Variants in FRMD4B observed in about 807,000 individuals in gnomAD.
The protein encoded by FRMD4B is FERM domain-containing protein 4B.
Under a neutral mutation model 141.5 loss-of-function variants are expected in FRMD4B, and 74 were observed. The observed-to-expected ratio is 0.52, with a 90% CI of 0.43 to 0.63. The LOEUF (loss-of-function observed/expected upper bound fraction) is 0.63, where lower values mean the gene tolerates loss of function less well. Ranked by LOEUF, FRMD4B falls within the 30% of genes least tolerant of loss-of-function variation. The pLI is 0.00. For synonymous variants in FRMD4B, 506 were observed against 467.9 expected (o/e 1.08, Z -1.05); for missense variants, 1,366 against 1,253.4 (o/e 1.09, Z -1.36).
Position 69,195,007 on chromosome 3 carries a change from A to G in FRMD4B, c.1488+15T>C. On this transcript the variant is annotated intron_variant, in intron 16 of 22. Transcript: ENST00000398540. Reference sequence around the variant, plus strand: ...TCTTATGATTAATTGAAAGGCTCAGAGGCGTTGTTCATACTTCTTCACTCG... The same window carrying G: ...TCTTATGATTAATTGAAAGGCTCAGGGGCGTTGTTCATACTTCTTCACTCG... 6.2e-7 allele frequency: 1 copy of G among 1,610,480 alleles called. No individual in the cohort carries two copies. The highest frequency in any genetic ancestry group is 1.1e-5 in the South Asian group (1 of 90,636).
intron 5 of FRMD4B, among the ~76,000 whole-genome samples, chr3:69,265,270 ATATATATATATATATATATATATAT>A (rs1292963431): frequency 0.011 from 231 of 20,236 alleles, 34 homozygotes; most frequent in African/African-American, 0.042. Context: ...AAAAAAAAAA[ATATATATATATATATATATATATAT>A]ATATATATAT....
chr3:69,495,663 C>T lies in FRMD4B; in HGVS notation c.-129+46543G>A, dbSNP rs530426230. 9.4e-4 allele frequency among the ~76,000 whole-genome samples: 143 copies of T among 152,204 alleles called. 1 individual carries two copies. Among genetic ancestry groups the T allele is most frequent in the Non-Finnish European group, 1.7e-3 (117 of 68,012 alleles). On this transcript the variant is annotated intron_variant, in intron 1 of 5. Transcript: ENST00000459638. ...TGTAAAATGGGCATAATTAATGGCA[C>T]CTCACTCTTAGGTTGAGTGAGTAAG...
intron 1 of FRMD4B, among the ~76,000 whole-genome samples, chr3:69,498,572 C>T (rs953290964): frequency 2.0e-5 from 3 of 152,166 alleles, no homozygotes; most frequent in Admixed American, 6.5e-5. Context: ...TTCAGTCTTC[C>T]TCTTTTCAAC....
At chr3:69,502,314 A>G (rs1423622772) in intron 1 of FRMD4B, among the ~76,000 whole-genome samples, 3 of 152,296 alleles carry the variant, frequency 2.0e-5, no homozygotes, top group East Asian at 3.9e-4. Flanking sequence ...AAACAGCATA[A>G]TAGTGGTACC....
intron 1 of FRMD4B, among the ~76,000 whole-genome samples, chr3:69,382,893 C>T (rs6792404): frequency 0.062 from 9,410 of 152,130 alleles, 945 homozygotes; most frequent in African/African-American, 0.21. Context: ...AGCATGGTAC[C>T]CTGATCAAAC....
At chr3:69,249,982 G>C in intron 6 of FRMD4B, 61 bp downstream of exon 6, 2 of 1,056,016 alleles carry the variant, frequency 1.9e-6, no homozygotes, top group Non-Finnish European at 3.0e-6. Flanking sequence ...AGAGTTGCAG[G>C]CAGTTAACAA....
At chr3:69,306,077 T>C (rs1018375435) in intron 3 of FRMD4B, among the ~76,000 whole-genome samples, 1 of 152,198 alleles carries the variant, frequency 6.6e-6, no homozygotes, top group Admixed American at 6.5e-5. Context: ...TTTAAAAGGA[T>C]AAATTACAAA....
At chr3:69,402,077 C>T (rs1376860851) in intron 2 of FRMD4B, among the ~76,000 whole-genome samples, 2 of 152,224 alleles carry the variant, frequency 1.3e-5, no homozygotes, top group African/African-American at 4.8e-5. Flanking sequence ...TTTCCTATTT[C>T]TCATGTCTGC....
rs1294166232 is a variant in FRMD4B at position 69,196,317 on chromosome 3, A to G, written c.1172T>C (p.Leu391Pro). The G allele has an allele frequency of 1.9e-6, 3 of 1,609,530 alleles. No individual in the cohort carries two copies. Among genetic ancestry groups the G allele is most frequent in the Non-Finnish European group, 2.5e-6 (3 of 1,176,936 alleles). The change falls in exon 14 of 23, where the codon CTG (leucine) becomes CCG (proline). Residue 391 changes from leucine to proline, a missense_variant. Coordinates refer to ENST00000398540, the MANE Select transcript of FRMD4B (RefSeq NM_015123.3). ...CTGACTTTTCGTCTCCAGTGTCACC[A>G]GCTTGGAGGCCCTTTGTGTTCCTGT... The part of the protein sequence containing the change: ...TETGTQRASK[L>P]VTLETKSQFI...
intron 19 of FRMD4B, among the ~76,000 whole-genome samples, chr3:69,184,029 G>A (rs983655822): frequency 1.3e-5 from 2 of 152,010 alleles, no homozygotes; most frequent in African/African-American, 4.8e-5. Flanking sequence ...CCAAGTAGCT[G>A]GAATTACAGG....
upstream of FRMD4B, among the ~76,000 whole-genome samples, chr3:69,387,898 T>G (rs1704297345): frequency 6.6e-6 from 1 of 152,174 alleles, no homozygotes; most frequent in Non-Finnish European, 1.5e-5. Flanking sequence ...AAGTCTTCTC[T>G]ATGTGCCATC....
chr3:69,270,768 G>C (rs1399230792), intron 5 of FRMD4B, among the ~76,000 whole-genome samples: 1 of 151,954 alleles, frequency 6.6e-6, no homozygotes, highest in African/African-American at 2.4e-5. Flanking sequence ...CTTTCACCAT[G>C]TTGGCCAGGA....
intron 17 of FRMD4B, among the ~76,000 whole-genome samples, chr3:69,191,182 G>A (rs781569262): frequency 1.8e-4 from 27 of 152,320 alleles, no homozygotes; most frequent in Non-Finnish European, 1.8e-4. Context: ...ACTTCGAGAG[G>A]CCGAGGTTGG....
intron 11 of FRMD4B, among the ~76,000 whole-genome samples, chr3:69,210,976 C>T (rs1559720146): frequency 6.9e-6 from 1 of 145,686 alleles, no homozygotes; most frequent in Admixed American, 7.0e-5. Flanking sequence ...TGAGCTCGTG[C>T]CATTGCACTC....
At chr3:69,535,953 G>T in intron 1 of FRMD4B, 1 of 390,782 alleles carries the variant, frequency 2.6e-6, no homozygotes, top group Non-Finnish European at 5.1e-6. Context: ...GTGGTCCCCA[G>T]CATCTCCTTG....
At chr3:69,390,469 T>C (rs1704356926), upstream of FRMD4B, among the ~76,000 whole-genome samples, 1 of 152,196 alleles carries the variant, frequency 6.6e-6, no homozygotes, top group Admixed American at 6.5e-5. Context: ...GAGATGCTAC[T>C]GGCGTCTAGC....
At chr3:69,529,053 G>A (rs550489903) in intron 1 of FRMD4B, among the ~76,000 whole-genome samples, 12 of 152,102 alleles carry the variant, frequency 7.9e-5, no homozygotes, top group Non-Finnish European at 1.3e-4. Context: ...TGCTGGCAGC[G>A]GGAAGTGAAG....
intron 5 of FRMD4B, among the ~76,000 whole-genome samples, chr3:69,259,092 G>C (rs1475699980): frequency 1.3e-5 from 2 of 152,192 alleles, no homozygotes; most frequent in African/African-American, 4.8e-5. Context: ...TGTAGAATCA[G>C]TGGGAGCCCT....
chr3:69,416,496 G>A (rs925685809), intron 2 of FRMD4B, among the ~76,000 whole-genome samples: 1 of 152,108 alleles, frequency 6.6e-6, no homozygotes, highest in Non-Finnish European at 1.5e-5. Flanking sequence ...TGGCCAAATT[G>A]TCTTCAGGCT....
Sources: allele counts gnomAD v4.1 joint callset (sites outside exome capture counted in the v4.1 genomes callset), GRCh38; gene constraint gnomAD v4.1.1; transcripts MANE v1.5; gene names NCBI Gene and HGNC (gene_info 2026-07-23, HGNC 2026-07-21).